DYNC2LI1: variants seen among roughly 807,000 people sequenced by gnomAD.
The protein encoded by DYNC2LI1 is cytoplasmic dynein 2 light intermediate chain 1.
Under a neutral mutation model 51.9 loss-of-function variants are expected in DYNC2LI1, and 45 were observed. The ratio of observed to expected loss-of-function variants is 0.87; its 90% CI spans 0.68 to 1.11. The LOEUF is 1.11. Ranked by LOEUF, DYNC2LI1 falls within the 50% of genes most tolerant of loss-of-function variation. The pLI is 0.00. For missense variants in DYNC2LI1, 490 were observed against 417.4 expected (o/e 1.17, Z -1.51); for synonymous variants, 130 against 137.8 (o/e 0.94, Z 0.40).
chr2:43,822,963 A>T, the DYNC2LI1 span: 18 of 1,612,610 alleles, frequency 1.1e-5, 1 homozygote, highest in Middle Eastern at 1.5e-3. Flanking sequence ...GTTTCAGAAC[A>T]GTCAGTCACC....
At chr2:43,796,598 C>T (rs1674046359) in intron 7 of DYNC2LI1, 120 bp from the exon 8 acceptor site, 1 of 697,514 alleles carries the variant, frequency 1.4e-6, no homozygotes, top group Non-Finnish European at 2.4e-6. Context: ...GTAATGGAAT[C>T]CTATTCCTGA....
intron 6 of DYNC2LI1, chr2:43,795,332 C>T (rs1042836477): frequency 2.6e-5 from 8 of 312,432 alleles, no homozygotes; most frequent in East Asian, 1.7e-4. Context: ...GGTGAAACCC[C>T]GTCTCTACTT....
At chr2:43,779,490 T>C (rs1032236953) in intron 2 of DYNC2LI1, among the ~76,000 whole-genome samples, 1 of 152,158 alleles carries the variant, frequency 6.6e-6, no homozygotes, top group Non-Finnish European at 1.5e-5. Flanking sequence ...CTAGACACTG[T>C]GGAAACAGGA....
chr2:43,802,715 A>G (rs1666115400), intron 10 of DYNC2LI1, among the ~76,000 whole-genome samples: 2 of 152,146 alleles, frequency 1.3e-5, no homozygotes, highest in Admixed American at 1.3e-4. Flanking sequence ...CTTTTGCTCT[A>G]TGAAAGCCCA....
chr2:43,822,877 C>T, the DYNC2LI1 span: 1 of 1,614,148 alleles, frequency 6.2e-7, no homozygotes, highest in Non-Finnish European at 8.5e-7. Context: ...GCATCATCTG[C>T]CACTTCTGGT....
intron 3 of DYNC2LI1, among the ~76,000 whole-genome samples, chr2:43,786,738 A>G (rs1673537445): frequency 6.6e-6 from 1 of 152,166 alleles, no homozygotes; most frequent in Admixed American, 6.5e-5. Flanking sequence ...AGGCAGGAGA[A>G]TGGCGTGAAC....
chr2:43,780,080 C>T (rs116442335), intron 2 of DYNC2LI1, among the ~76,000 whole-genome samples: 1,860 of 152,218 alleles, frequency 0.012, 39 homozygotes, highest in African/African-American at 0.041. Flanking sequence ...GGAGTAGGAG[C>T]GACTGTTAGT....
chr2:43,810,432 G>A, downstream of DYNC2LI1: 1 of 985,358 alleles, frequency 1.0e-6, no homozygotes, highest in African/African-American at 1.7e-5. Context: ...ATCATGTGTT[G>A]CGGATAACCA....
At chr2:43,781,176 G>C (rs540171080) in intron 2 of DYNC2LI1, among the ~76,000 whole-genome samples, 31 of 152,034 alleles carry the variant, frequency 2.0e-4, no homozygotes, top group Admixed American at 5.2e-4. Context: ...AGACCAGCCT[G>C]ACCAACATAG....
At chr2:43,810,601 A>G (rs1666447475), downstream of DYNC2LI1, 1 of 841,260 alleles carries the variant, frequency 1.2e-6, no homozygotes, top group Admixed American at 6.2e-5. Flanking sequence ...ATTGACTCCC[A>G]GCTTCAGATA....
At chr2:43,791,580 G>T (rs1159717200) in intron 5 of DYNC2LI1, among the ~76,000 whole-genome samples, 2 of 152,164 alleles carry the variant, frequency 1.3e-5, no homozygotes, top group Admixed American at 6.5e-5. Context: ...ATAGGCTTGG[G>T]TCTAAAGTAG....
chr2:43,804,734 C>G lies in DYNC2LI1; in HGVS notation c.895C>G (p.Pro299Ala). The change falls in exon 11 of 13, where the codon CCA becomes GCA. Residue 299 changes from proline (P) to alanine (A), a missense_variant. By Grantham distance (27) the Pro-to-Ala change is conservative. Transcript: ENST00000260605. The part of the protein sequence containing the change: ...WKKVYEKLFP[P>A]KSINTLKDIK... ...AAAAGTGTATGAAAAGCTCTTTCCACCAAAGGTACATATTTCTAATTTTTT... is the reference window on the plus strand; with the variant it reads ...AAAAGTGTATGAAAAGCTCTTTCCAGCAAAGGTACATATTTCTAATTTTTT... 1 of 1,595,702 alleles carries G rather than the reference C, an allele frequency of 6.3e-7. No individual in the cohort carries two copies. The highest frequency in any genetic ancestry group is 1.1e-5 in the South Asian group (1 of 87,590).
At position 43,808,654 on chromosome 2, in the gene DYNC2LI1, A is replaced by G. The variant is rs144450814; in HGVS notation, c.994-1051A>G. ...TAAAGGTAAGATATACTCCTTGTGA[A>G]AAAATTCAAGAGCTATAGATAGATG... On this transcript the variant is annotated intron_variant, in intron 12 of 12. Coordinates refer to ENST00000260605, the MANE Select transcript of DYNC2LI1 (RefSeq NM_016008.4). Among the ~76,000 whole-genome samples the G allele has an allele frequency of 5.4e-3, 828 of 152,346 alleles. 3 individuals are homozygous for G. Among genetic ancestry groups the G allele is most frequent in the Non-Finnish European group, 9.6e-3 (651 of 68,034 alleles).
chr2:43,789,261 T>C (rs886778371), intron 4 of DYNC2LI1, among the ~76,000 whole-genome samples: 7 of 152,252 alleles, frequency 4.6e-5, no homozygotes, highest in Non-Finnish European at 7.3e-5. Flanking sequence ...TATTTCTATC[T>C]AGAATTATAA....
At chr2:43,820,018 G>A in the DYNC2LI1 span, 1 of 1,614,180 alleles carries the variant, frequency 6.2e-7, no homozygotes, top group Non-Finnish European at 8.5e-7. Flanking sequence ...ACAAGAGTTA[G>A]AAATTCACCA....
chr2:43,824,060 T>C, the DYNC2LI1 span: 1 of 1,614,176 alleles, frequency 6.2e-7, no homozygotes, highest in East Asian at 2.2e-5. Context: ...ATGATCAGAT[T>C]CTGAAGGAGA....
At chr2:43,793,605 T>C (rs1673890980) in intron 5 of DYNC2LI1, 1 of 151,810 alleles carries the variant, frequency 6.6e-6, no homozygotes, top group African/African-American at 2.4e-5. Context: ...GCCTTCTTTT[T>C]TTTTTTTTTT....
intron 2 of DYNC2LI1, among the ~76,000 whole-genome samples, chr2:43,777,897 A>T (rs1056440636): frequency 2.0e-5 from 3 of 152,242 alleles, no homozygotes; most frequent in Admixed American, 6.5e-5. Context: ...AATCTGAATT[A>T]AAAAAGCAGG....
chr2:43,774,889 T>C (rs1672941684), intron 1 of DYNC2LI1, among the ~76,000 whole-genome samples: 1 of 152,186 alleles, frequency 6.6e-6, no homozygotes, highest in South Asian at 2.1e-4. Flanking sequence ...GGAAAGCAGA[T>C]CCTCATATTT....
Sources: gnomAD v4.1 joint callset for allele counts (sites outside exome capture counted in the v4.1 genomes callset) on GRCh38, gnomAD v4.1.1 for gene constraint, MANE v1.5 for transcripts, NCBI Gene and HGNC (gene_info 2026-07-23, HGNC 2026-07-21) for gene names.